The following WARS1 variants were observed in gnomAD, a reference collection of about 807,000 sequenced individuals.
WARS1 encodes tryptophanyl-tRNA synthetase 1.
A neutral mutation model predicts 47.8 loss-of-function variants in WARS1; 17 were observed. The observed-to-expected ratio is 0.36, with a 90% CI of 0.24 to 0.53. The LOEUF is 0.53. Among genes scored for constraint, WARS1 ranks in the 20% least tolerant of loss-of-function variants. The pLI, the probability that WARS1 is intolerant of heterozygous loss-of-function variation, is 0.91. For synonymous variants in WARS1, 208 were observed against 228.1 expected, an observed-to-expected ratio of 0.91 and a Z score of 0.79; for missense variants, 434 against 608.0, an observed-to-expected ratio of 0.71 and a Z score of 3.01.
At position 100,342,369 on chromosome 14, in the gene WARS1, G is replaced by A. The variant is rs772893339; in HGVS notation, c.1113+29C>T. ...CCCAGGGCATGTTTCTGATCCCGCT[G>A]GCTGCCCTCTGCCTGGGCCACTGCT... On this transcript the variant is annotated intron_variant, in intron 9 of 10. Coordinates refer to ENST00000392882, the MANE Select transcript of WARS1 (RefSeq NM_004184.4). 5.6e-6 allele frequency: 9 copies of A among 1,612,620 alleles called. No individual in the cohort carries two copies. The South Asian group carries it at 9.9e-5, about 18-fold the overall frequency.
intron 9 of WARS1, among the ~76,000 whole-genome samples, chr14:100,338,559 G>T (rs1009544778): frequency 1.3e-5 from 2 of 151,692 alleles, no homozygotes; most frequent in Admixed American, 1.3e-4. Context: ...GAGTCACTGT[G>T]CTCAGCCCCT....
Position 100,334,335 on chromosome 14 carries a change from C to A in WARS1, c.*540G>T, listed in dbSNP as rs1160581737. ...CTTTAAAGCTGGGTGATTTCTTAGT[C>A]AAATGTATAACGAAGCTTTTACTTA... On this transcript the variant is annotated 3_prime_UTR_variant, in exon 11 of 11. Coordinates refer to ENST00000392882, the MANE Select transcript of WARS1 (RefSeq NM_004184.4). The A allele has an allele frequency of 1.3e-5, 2 of 152,480 alleles. No individual in the cohort carries two copies. Among genetic ancestry groups the A allele is most frequent in the South Asian group, 4.1e-4 (2 of 4,836 alleles). 9.4% of individuals were successfully genotyped at this position (152,480 alleles called of 1,614,324 possible).
upstream of WARS1, chr14:100,376,250 C>T (rs770458794): frequency 3.6e-5 from 19 of 524,018 alleles, no homozygotes; most frequent in Non-Finnish European, 5.4e-5. Context: ...GCCTTACTCC[C>T]CTCGCTTACC....
Position 100,373,824 on chromosome 14 carries a change from TTGTGTGTGTGTGTGTGTGTG to T in WARS1, c.-74+1439_-74+1458del, listed in dbSNP as rs59475595. Among the ~76,000 whole-genome samples the T allele has an allele frequency of 1.5e-4, 22 of 148,042 alleles. No homozygotes were observed. The highest frequency in any genetic ancestry group is 5.0e-4 in the African/African-American group (20 of 40,088). On this transcript the variant is annotated intron_variant, in intron 1 of 10. Transcript: ENST00000392882. This position sits in a 1 kb window ranked among gnomAD's most constrained non-coding sequence, Gnocchi z 4.4. ...GGGAATCATCCACACTATTGAAATC[TTGTGTGTGTGTGTGTGTGTG>T]TGTGTGTGTGTGTGTGTGTGTATGA...
intron 1 of WARS1, among the ~76,000 whole-genome samples, chr14:100,371,858 T>C (rs1204069846): frequency 6.6e-6 from 1 of 152,214 alleles, no homozygotes; most frequent in Non-Finnish European, 1.5e-5. Flanking sequence ...AAGAGCAGCT[T>C]GGGTAATGTC....
intron 6 of WARS1, among the ~76,000 whole-genome samples, chr14:100,350,432 G>T (rs913496520): frequency 2.1e-5 from 3 of 140,678 alleles, no homozygotes; most frequent in African/African-American, 8.0e-5. Flanking sequence ...TTCTTATTTA[G>T]CGAAGGTGGA....
At chr14:100,345,030 C>T in intron 7 of WARS1, among the ~76,000 whole-genome samples, 1 of 150,898 alleles carries the variant, frequency 6.6e-6, no homozygotes, top group African/African-American at 2.4e-5. Flanking sequence ...GGCCAGCCGC[C>T]CCGTCCGGGA....
At chr14:100,358,201 C>T (rs952821442) in intron 4 of WARS1, among the ~76,000 whole-genome samples, 2 of 152,082 alleles carry the variant, frequency 1.3e-5, no homozygotes, top group African/African-American at 4.8e-5. Flanking sequence ...GGCGCGATCT[C>T]GGCTCACTGC....
rs544151015 is a variant in WARS1 at position 100,346,723 on chromosome 14, C to A, written c.826+23G>T. 1.9e-6 allele frequency: 3 copies of A among 1,592,162 alleles called. No individual in the cohort carries two copies. The South Asian group carries it at 3.3e-5, about 18-fold the overall frequency. On this transcript the variant is annotated intron_variant, in intron 7 of 10. Transcript: ENST00000392882. Reference sequence around the variant, plus strand: ...TTTTTGAAGGGTGCAGGGAGTGGTCCACAGCAGCAGTGGGCCTCTTACCAA... The same window carrying A: ...TTTTTGAAGGGTGCAGGGAGTGGTCAACAGCAGCAGTGGGCCTCTTACCAA...
chr14:100,364,754 C>T (rs937576771), intron 2 of WARS1, among the ~76,000 whole-genome samples: 1 of 152,184 alleles, frequency 6.6e-6, no homozygotes, highest in Admixed American at 6.5e-5. Flanking sequence ...AAAACATTTA[C>T]TAAATGTTAT....
intron 4 of WARS1, among the ~76,000 whole-genome samples, chr14:100,357,494 T>G (rs1895396210): frequency 6.6e-6 from 1 of 151,720 alleles, no homozygotes; most frequent in African/African-American, 2.4e-5. Context: ...GGAGTTTTGC[T>G]CTTTTTGCCC....
At chr14:100,350,582 C>T (rs1894914860) in intron 6 of WARS1, among the ~76,000 whole-genome samples, 1 of 152,044 alleles carries the variant, frequency 6.6e-6, no homozygotes, top group South Asian at 2.1e-4. Context: ...GTTCATCTAC[C>T]CCATCGTGCA....
chr14:100,345,435 T>C (rs1188798388), intron 7 of WARS1, among the ~76,000 whole-genome samples: 1 of 152,132 alleles, frequency 6.6e-6, no homozygotes, highest in East Asian at 1.9e-4. Context: ...GTGCAAGATG[T>C]GCTTTGTTAA....
intron 6 of WARS1, among the ~76,000 whole-genome samples, chr14:100,349,711 T>A (rs1894847939): frequency 6.6e-6 from 1 of 152,226 alleles, no homozygotes; most frequent in African/African-American, 2.4e-5. Flanking sequence ...TGCCTTTGCA[T>A]CCCTCAGGGC....
intron 10 of WARS1, 67 bp from the exon 11 acceptor site, chr14:100,335,103 G>C (rs1319554870): frequency 6.5e-7 from 1 of 1,535,818 alleles, no homozygotes; most frequent in Non-Finnish European, 8.9e-7. Context: ...TTCCTGCCTC[G>C]GGCACCAGCT....
chr14:100,338,284 A>C (rs1480256503), intron 9 of WARS1, among the ~76,000 whole-genome samples: 1 of 150,070 alleles, frequency 6.7e-6, no homozygotes, highest in Non-Finnish European at 1.5e-5. Flanking sequence ...TTTTTTTTTT[A>C]GATAGGATCT....
rs760963877 is a variant in WARS1 at position 100,361,894 on chromosome 14, A to G, written c.127T>C (p.Leu43=). 6.2e-7 allele frequency: 1 copy of G among 1,614,090 alleles called. No homozygotes were observed. The highest frequency in any genetic ancestry group is 1.3e-5 in the African/African-American group (1 of 74,942). The part of the protein sequence containing the change: ...KDEIDSAVKM[L]VSLKMSYKAA... ...TTGTAGCTCATTTTTAATGACACCAACATCTTTACTGCAGAATCAATTTCA... is the reference window on the plus strand; with the variant it reads ...TTGTAGCTCATTTTTAATGACACCAGCATCTTTACTGCAGAATCAATTTCA... Residue 43 remains leucine (L), a synonymous_variant, in exon 3 of 11, where the codon TTG becomes CTG. Transcript: ENST00000392882.
intron 9 of WARS1, among the ~76,000 whole-genome samples, chr14:100,341,167 C>T (rs1043174860): frequency 2.6e-5 from 4 of 152,152 alleles, no homozygotes; most frequent in African/African-American, 7.2e-5. Flanking sequence ...CCACCTGCCT[C>T]GGCCTCTCAA....
At chr14:100,338,034 G>A (rs1893871230) in intron 9 of WARS1, among the ~76,000 whole-genome samples, 1 of 152,114 alleles carries the variant, frequency 6.6e-6, no homozygotes, top group South Asian at 2.1e-4. Flanking sequence ...GAAGGCACAG[G>A]GTAAGGCAGT....
Sources: gnomAD v4.1 joint callset for allele counts (sites outside exome capture counted in the v4.1 genomes callset) on GRCh38, gnomAD v4.1.1 for gene constraint, Gnocchi (gnomAD v3.1) non-coding constraint, MANE v1.5 for transcripts, NCBI Gene and HGNC (gene_info 2026-07-23, HGNC 2026-07-21) for gene names.